The following ATRNL1 variants were observed in gnomAD, a reference collection of about 807,000 sequenced individuals.
ATRNL1 encodes the protein attractin like 1.
A neutral mutation model predicts 182.7 loss-of-function variants in ATRNL1; 95 were observed. The ratio of observed to expected loss-of-function variants is 0.52; its 90% CI spans 0.44 to 0.62. ATRNL1 has a LOEUF of 0.62. ATRNL1 is among the 20% of genes least tolerant of loss of function. ATRNL1 has a pLI of 0.00. For synonymous variants in ATRNL1, 576 were observed against 568.3 expected (o/e 1.01, Z -0.19); for missense variants, 1,471 against 1,679.5 (o/e 0.88, Z 2.17).
intron 13 of ATRNL1, among the ~76,000 whole-genome samples, chr10:115,273,610 A>G (rs563069075): frequency 1.2e-4 from 18 of 152,320 alleles, no homozygotes; most frequent in African/African-American, 4.3e-4. Flanking sequence ...TCCTTTCACT[A>G]CTGTACTTCA....
chr10:115,891,086 T>C (rs1952068751), intron 28 of ATRNL1, among the ~76,000 whole-genome samples: 1 of 150,726 alleles, frequency 6.6e-6, no homozygotes, highest in African/African-American at 2.5e-5. Context: ...TTGTAAAATA[T>C]GTTCTATCTT....
Position 115,519,335 on chromosome 10 carries a change from G to C in ATRNL1, c.3716+11G>C, listed in dbSNP as rs782585167. The C allele has an allele frequency of 3.7e-6, 6 of 1,608,284 alleles. No individual in the cohort carries two copies. The South Asian group carries it at 5.5e-5, about 15-fold the overall frequency. On this transcript the variant is annotated intron_variant, in intron 25 of 28. Transcript: ENST00000355044. ...TGTCACCTTCTTCAGGTAAAAGTTT[G>C]CTTTGACTGACTTTGAACTTTTCAA...
intron 21 of ATRNL1, among the ~76,000 whole-genome samples, chr10:115,449,128 A>G (rs1445027379): frequency 6.6e-6 from 1 of 152,140 alleles, no homozygotes; most frequent in Non-Finnish European, 1.5e-5. Flanking sequence ...TTCTATCACC[A>G]TATTTCTGCT....
At chr10:115,818,712 T>C (rs1218577035) in intron 27 of ATRNL1, among the ~76,000 whole-genome samples, 1 of 152,142 alleles carries the variant, frequency 6.6e-6, no homozygotes, top group Admixed American at 6.6e-5. Flanking sequence ...ACCAGGAATC[T>C]CCTAATTGGC....
intron 28 of ATRNL1, among the ~76,000 whole-genome samples, chr10:115,935,313 G>A (rs1386022737): frequency 1.3e-5 from 2 of 152,146 alleles, no homozygotes; most frequent in Non-Finnish European, 2.9e-5. Context: ...AGAGCTGAGG[G>A]TAATGCCTGG....
At chr10:115,632,199 C>A (rs1213132512) in intron 26 of ATRNL1, among the ~76,000 whole-genome samples, 5 of 151,962 alleles carry the variant, frequency 3.3e-5, no homozygotes, top group Non-Finnish European at 5.9e-5. Flanking sequence ...TAGGTGGAAG[C>A]AAGGAGACCA....
At chr10:115,330,939 A>G (rs979219740) in intron 18 of ATRNL1, among the ~76,000 whole-genome samples, 1 of 151,886 alleles carries the variant, frequency 6.6e-6, no homozygotes, top group Non-Finnish European at 1.5e-5. Flanking sequence ...ACACTGTTTC[A>G]TAGAACCTCT....
chr10:115,917,882 T>C (rs1236156226), intron 28 of ATRNL1, among the ~76,000 whole-genome samples: 2 of 152,214 alleles, frequency 1.3e-5, no homozygotes, highest in Non-Finnish European at 2.9e-5. Context: ...GTCACTGCTA[T>C]TGTAATTATT....
At chr10:115,389,660 C>G (rs1843920150) in intron 19 of ATRNL1, among the ~76,000 whole-genome samples, 1 of 145,758 alleles carries the variant, frequency 6.9e-6, no homozygotes, top group Non-Finnish European at 1.5e-5. Flanking sequence ...GCAGTGAACA[C>G]AGGAGTACGA....
At chr10:115,930,865 T>G (rs1953374920) in intron 28 of ATRNL1, among the ~76,000 whole-genome samples, 1 of 152,166 alleles carries the variant, frequency 6.6e-6, no homozygotes, top group African/African-American at 2.4e-5. Flanking sequence ...GGTCAGTATT[T>G]TTACTTCTCC....
intron 8 of ATRNL1, among the ~76,000 whole-genome samples, chr10:115,187,189 T>A (rs1554888913): frequency 1.3e-5 from 2 of 151,404 alleles, no homozygotes; most frequent in Non-Finnish European, 2.9e-5. Flanking sequence ...TTTTTTTTTT[T>A]AACAAAAATG....
intron 19 of ATRNL1, among the ~76,000 whole-genome samples, chr10:115,346,866 G>A (rs1856000504): frequency 1.3e-5 from 2 of 151,956 alleles, no homozygotes; most frequent in African/African-American, 2.4e-5. Flanking sequence ...AAACGCAAAA[G>A]TTTCAATTTT....
At chr10:115,220,964 C>T (rs1347958468) in intron 9 of ATRNL1, among the ~76,000 whole-genome samples, 1 of 152,154 alleles carries the variant, frequency 6.6e-6, no homozygotes, top group African/African-American at 2.4e-5. Flanking sequence ...AACCTCTCTG[C>T]TAACATTAAT....
intron 10 of ATRNL1, among the ~76,000 whole-genome samples, chr10:115,253,786 C>T (rs1024966401): frequency 6.6e-6 from 1 of 152,098 alleles, no homozygotes; most frequent in East Asian, 1.9e-4. Flanking sequence ...TATCCATCCC[C>T]AGGCCCCCAA....
At position 115,300,481 on chromosome 10, in the gene ATRNL1, TTATAA is replaced by T. The variant is rs1250806717; in HGVS notation, c.2629+238_2629+242del. 9.2e-5 allele frequency among the ~76,000 whole-genome samples: 14 copies of T among 152,352 alleles called. No individual in the cohort carries two copies. The East Asian group carries it at 2.1e-3, about 23-fold the overall frequency. On this transcript the variant is annotated intron_variant, in intron 16 of 28. Transcript: ENST00000355044. ...ATAGTGAGATTGTGGTTGTAGTTAC[TTATAA>T]TATGACAATAATCTATTCTTAATTC...
chr10:115,538,318 A>C (rs782161177), intron 25 of ATRNL1, among the ~76,000 whole-genome samples: 4 of 152,186 alleles, frequency 2.6e-5, no homozygotes, highest in Non-Finnish European at 5.9e-5. Flanking sequence ...CGACCAGCAA[A>C]GCTCAGGGTT....
At chr10:115,905,780 C>G (rs1282359314) in intron 28 of ATRNL1, among the ~76,000 whole-genome samples, 3 of 152,176 alleles carry the variant, frequency 2.0e-5, no homozygotes, top group African/African-American at 7.2e-5. Flanking sequence ...GGCCAAGAAT[C>G]ACATCTGTCA....
At chr10:115,701,962 C>A (rs1392144392) in intron 26 of ATRNL1, among the ~76,000 whole-genome samples, 1 of 151,858 alleles carries the variant, frequency 6.6e-6, no homozygotes, top group African/African-American at 2.4e-5. Context: ...CCAGCATCAC[C>A]CTGATACCAA....
chr10:115,098,690 C>T (rs1293372173), intron 1 of ATRNL1, among the ~76,000 whole-genome samples: 3 of 151,818 alleles, frequency 2.0e-5, no homozygotes, highest in African/African-American at 7.3e-5. Flanking sequence ...ATCTCCTGAC[C>T]TCGTGATCCA....
Sources: allele counts gnomAD v4.1 joint callset (sites outside exome capture counted in the v4.1 genomes callset), GRCh38; gene constraint gnomAD v4.1.1; transcripts MANE v1.5; gene names NCBI Gene and HGNC (gene_info 2026-07-23, HGNC 2026-07-21).